Variants in DRC1 observed in about 807,000 individuals in gnomAD.
DRC1 encodes the protein dynein regulatory complex protein 1.
A neutral mutation model predicts 98.7 loss-of-function variants in DRC1; 74 were observed. The observed-to-expected ratio is 0.75, with a 90% confidence interval of 0.62 to 0.91. The LOEUF (loss-of-function observed/expected upper bound fraction) is 0.91. DRC1 is among the 40% of genes least tolerant of loss of function. The pLI is 0.00. For missense variants in DRC1, 875 were observed against 886.0 expected (o/e 0.99, Z 0.16); for synonymous variants, 336 against 334.1 (o/e 1.01, Z -0.06).
Position 26,456,675 on chromosome 2 carries a change from C to T in DRC1, c.*158C>T, listed in dbSNP as rs1328445433. The T allele has an allele frequency of 4.0e-6, 3 of 756,128 alleles. No individual in the cohort carries two copies. The African/African-American group carries it at 5.3e-5, about 13-fold the overall frequency. 46.8% of individuals were successfully genotyped at this position (756,128 alleles called of 1,614,324 possible). A position where few individuals can be genotyped will look rare whatever the true frequency, so the allele number is the denominator to read the frequency against. On this transcript the variant is annotated 3_prime_UTR_variant, in exon 17 of 17. Transcript: ENST00000288710. ...CGAAATAAGGAGCCAGAGGAGTTAC[C>T]TGTGTCCTGCATTATGATTAAAGCC...
At chr2:26,418,801 TTATAA>T (rs1443129207) in intron 2 of DRC1, among the ~76,000 whole-genome samples, 1 of 132,972 alleles carries the variant, frequency 7.5e-6, no homozygotes, top group African/African-American at 2.8e-5. Context: ...CATATATACA[TTATAA>T]TATATTGTAT....
At chr2:26,416,826 G>A (rs1678821067) in intron 2 of DRC1, among the ~76,000 whole-genome samples, 1 of 152,260 alleles carries the variant, frequency 6.6e-6, no homozygotes, top group Non-Finnish European at 1.5e-5. Flanking sequence ...AAATACTTGA[G>A]ACTGGATAAT....
At chr2:26,436,484 A>AT (rs199794891) in intron 7 of DRC1, among the ~76,000 whole-genome samples, 1 of 151,228 alleles carries the variant, frequency 6.6e-6, no homozygotes, top group Non-Finnish European at 1.5e-5. Flanking sequence ...GCTAATTTAA[A>AT]TTTTTTTTTG....
intron 2 of DRC1, among the ~76,000 whole-genome samples, chr2:26,416,022 A>G (rs1678791230): frequency 1.3e-5 from 2 of 152,096 alleles, no homozygotes; most frequent in Non-Finnish European, 2.9e-5. Flanking sequence ...ATGCTGATAT[A>G]CAGTTCACCC....
chr2:26,420,517 T>G (rs192461835), intron 2 of DRC1, among the ~76,000 whole-genome samples: 1 of 152,316 alleles, frequency 6.6e-6, no homozygotes, highest in Admixed American at 6.5e-5. Flanking sequence ...GAGATGAATG[T>G]ACAATATCTG....
intron 10 of DRC1, among the ~76,000 whole-genome samples, chr2:26,445,457 G>A (rs1480321782): frequency 6.6e-6 from 1 of 152,144 alleles, no homozygotes; most frequent in Non-Finnish European, 1.5e-5. Flanking sequence ...TCAAAATAAT[G>A]GGTTGGGCCT....
At position 26,444,943 on chromosome 2, in the gene DRC1, G is replaced by A. The variant is rs200271366; in HGVS notation, c.1391G>A (p.Arg464His). The A allele has an allele frequency of 6.4e-5, 103 of 1,613,922 alleles. 1 individual carries two copies. Among genetic ancestry groups the A allele is most frequent in the Non-Finnish European group, 7.7e-5 (91 of 1,179,966 alleles). The stretch of plus-strand genomic sequence containing the variant: ...CAGATAGTAGAAGAAATGCTTATGC[G>A]CTCAGGTGACTAGAACACTGTCATA... ...ATQIVEEMLM[R>H]SEEEEAEEAA... is the part of the protein sequence containing the mutation. Residue 464 changes from arginine to histidine, a missense_variant, in exon 10 of 17, where the codon CGC becomes CAC. Physicochemically the swap from Arg to His is conservative, Grantham distance 29. Transcript: ENST00000288710.
chr2:26,448,111 G>C (rs1663905641), intron 10 of DRC1, among the ~76,000 whole-genome samples: 1 of 150,950 alleles, frequency 6.6e-6, no homozygotes, highest in South Asian at 2.1e-4. Context: ...TGTAATCCCA[G>C]CTACTTGGGA....
In DRC1 at chr2:26,454,679, A is replaced by G. The variant is rs1664093864; in HGVS notation, c.1952A>G (p.Asn651Ser). The stretch of plus-strand genomic sequence containing the variant: ...CGGGCCCCGCTGAGGGTACAGAAGA[A>G]TGTGCGTGACAACTCCAAGGACTCG... ...DSRAPLRVQK[N>S]VRDNSKDSEY... Residue 651 changes from asparagine to serine, a missense_variant, in exon 15 of 17, where the codon AAT (asparagine) becomes AGT (serine). Physicochemically the swap from Asn to Ser is conservative, Grantham distance 46 (BLOSUM62 1). Transcript: ENST00000288710. The surrounding 1 kb of genome is among the most constrained non-coding windows in gnomAD (Gnocchi z 5.2). The G allele has an allele frequency of 6.2e-7, 1 of 1,614,124 alleles. No individual in the cohort carries two copies. The highest frequency in any genetic ancestry group is 1.3e-5 in the African/African-American group (1 of 75,016).
Position 26,430,843 on chromosome 2 carries a change from C to T in DRC1, c.736C>T (p.Gln246Ter), listed in dbSNP as rs1465141603. 2 of 1,613,842 alleles carry T rather than the reference C, an allele frequency of 1.2e-6. No homozygotes were observed. The highest frequency in any genetic ancestry group is 1.7e-5 in the Admixed American group (1 of 59,986). Reference protein sequence around the residue: ...LLASNKKKWEQALQAHNAKEL... With the variant: ...LLASNKKKWE ...GGCCAGTAATAAGAAGAAATGGGAG[C>T]AAGCCCTTCAGGCTCATAATGCCAA... Residue 246 changes from glutamine (Q) to a stop codon, truncating the protein, a stop_gained, in exon 6 of 17, where the codon CAA becomes TAA. Coordinates refer to ENST00000288710, the MANE Select transcript of DRC1 (RefSeq NM_145038.5). LOFTEE classifies it high-confidence loss of function.
chr2:26,448,665 C>G (rs760522584), intron 10 of DRC1, 26 bp from the exon 11 acceptor site: 4 of 1,603,820 alleles, frequency 2.5e-6, no homozygotes, highest in Non-Finnish European at 1.7e-6. Context: ...TTTTCTTTCT[C>G]TCTCCTCCCC....
chr2:26,435,764 T>A (rs902920549), intron 7 of DRC1, among the ~76,000 whole-genome samples: 4 of 152,032 alleles, frequency 2.6e-5, no homozygotes, highest in South Asian at 2.1e-4. Context: ...TTTTTTTTTT[T>A]AAACTTTATG....
chr2:26,454,529 C>T lies in DRC1; in HGVS notation c.1920-118C>T. The T allele has an allele frequency of 3.5e-6, 5 of 1,439,882 alleles. No individual in the cohort carries two copies. The South Asian group carries it at 6.6e-5, about 19-fold the overall frequency. The allele number at this position is 1,439,882 out of a possible 1,614,324, so 89.2% of individuals were successfully genotyped here. A position where few individuals can be genotyped will look rare whatever the true frequency, so the allele number is the denominator to read the frequency against. On this transcript the variant is annotated intron_variant, in intron 14 of 16. Transcript: ENST00000288710. This position sits in a 1 kb window ranked among gnomAD's most constrained non-coding sequence, Gnocchi z 5.2. Reference sequence around the variant, plus strand: ...TGAGAACCTGCCACCGTCTAATAAACTTGGACTGCTGAGTGGGAAGGTGAC... The same window carrying T: ...TGAGAACCTGCCACCGTCTAATAAATTTGGACTGCTGAGTGGGAAGGTGAC...
At chr2:26,406,484 G>A (rs922833534) in intron 1 of DRC1, among the ~76,000 whole-genome samples, 1 of 152,122 alleles carries the variant, frequency 6.6e-6, no homozygotes, top group Non-Finnish European at 1.5e-5. Flanking sequence ...TGAGGTGGGT[G>A]GATCACTTGA....
At position 26,413,280 on chromosome 2, in the gene DRC1, C is replaced by G. The variant is rs1260798344; in HGVS notation, c.156-1064C>G. Among the ~76,000 whole-genome samples the G allele has an allele frequency of 6.6e-4, 101 of 152,116 alleles. 1 individual carries two copies. Among genetic ancestry groups the G allele is most frequent in the Admixed American group, 6.6e-3 (101 of 15,262 alleles). Reference sequence around the variant, plus strand: ...TATGTATGTAGAATGTTTCCATGGTCTTACGAGTATTGTCAGTGCTACAAT... The same window carrying G: ...TATGTATGTAGAATGTTTCCATGGTGTTACGAGTATTGTCAGTGCTACAAT... On this transcript the variant is annotated intron_variant, in intron 1 of 16. Coordinates refer to ENST00000288710, the MANE Select transcript of DRC1 (RefSeq NM_145038.5).
Position 26,453,336 on chromosome 2 carries a change from A to G in DRC1, c.1706A>G (p.Gln569Arg). Residue 569 changes from glutamine to arginine, a missense_variant, in exon 14 of 17, where the codon CAG becomes CGG. Transcript: ENST00000288710. ...SSSLQIKPCS[Q>R]ASMEKASMEE... ...TTTCTCCAGATCAAGCCCTGCAGTC[A>G]GGCGAGCATGGAGAAGGCGAGCATG... is the stretch of plus-strand genomic sequence containing the variant. The G allele has an allele frequency of 6.2e-7, 1 of 1,613,198 alleles. No homozygotes were observed. The highest frequency in any genetic ancestry group is 8.5e-7 in the Non-Finnish European group (1 of 1,180,026).
chr2:26,444,837 G>A lies in DRC1; in HGVS notation c.1285G>A (p.Gly429Arg). The stretch of plus-strand genomic sequence containing the variant: ...CAGGATCATCCACACCCATCATCTG[G>A]GGCTTCCCTGGGCAGCACCTGATTT... ...VDRIIHTHHL[G>R]LPWAAPDFWF... is the part of the protein sequence containing the mutation. Residue 429 changes from glycine (G) to arginine (R), a missense_variant, in exon 10 of 17, where the codon GGG becomes AGG. Physicochemically the swap from Gly to Arg is moderately radical, Grantham distance 125 (BLOSUM62 -2). Coordinates refer to ENST00000288710, the MANE Select transcript of DRC1 (RefSeq NM_145038.5). The A allele has an allele frequency of 6.2e-7, 1 of 1,614,160 alleles. No homozygotes were observed. Among genetic ancestry groups the A allele is most frequent in the Non-Finnish European group, 8.5e-7 (1 of 1,180,032 alleles).
At chr2:26,418,260 A>G (rs1023604454) in intron 2 of DRC1, among the ~76,000 whole-genome samples, 5 of 151,710 alleles carry the variant, frequency 3.3e-5, no homozygotes, top group Non-Finnish European at 7.4e-5. Context: ...AGATGAGGCC[A>G]ATGTTATGCA....
intron 2 of DRC1, among the ~76,000 whole-genome samples, chr2:26,418,873 ATATATTATATATAT>A (rs1185178380): frequency 1.4e-5 from 2 of 140,430 alleles, no homozygotes; most frequent in Admixed American, 7.9e-5. Context: ...ATACAACATT[ATATATTATATATAT>A]TATATTATAT....
Sources: allele counts gnomAD v4.1 joint callset (sites outside exome capture counted in the v4.1 genomes callset), GRCh38; gene constraint gnomAD v4.1.1; non-coding constraint Gnocchi (gnomAD v3.1); transcripts MANE v1.5; gene names NCBI Gene and HGNC (gene_info 2026-07-23, HGNC 2026-07-21).